CCSER1: variants seen among roughly 807,000 people sequenced by gnomAD.
CCSER1 encodes the protein serine-rich coiled-coil domain-containing protein 1.
Under a neutral mutation model 82.0 loss-of-function variants are expected in CCSER1, and 41 were observed. The ratio of observed to expected loss-of-function variants is 0.50; its 90% CI spans 0.39 to 0.65. CCSER1 has a LOEUF of 0.65. Among genes scored for constraint, CCSER1 ranks in the 30% least tolerant of loss-of-function variants. The probability of loss-of-function intolerance (pLI) is 0.00; values close to 1 mark genes in which losing one functional copy is unlikely to be tolerated. For synonymous variants in CCSER1, 414 were observed against 383.9 expected, an observed-to-expected ratio of 1.08 and a Z score of -0.92; for missense variants, 1,119 against 1,064.2, an observed-to-expected ratio of 1.05 and a Z score of -0.72.
chr4:90,889,140 T>C (rs1722593176), intron 8 of CCSER1, among the ~76,000 whole-genome samples: 1 of 152,164 alleles, frequency 6.6e-6, no homozygotes, highest in Admixed American at 6.5e-5. Context: ...AAAGAATCAG[T>C]ATATTGTTAT....
chr4:90,260,468 T>C (rs1490203396), intron 1 of CCSER1, among the ~76,000 whole-genome samples: 1 of 152,208 alleles, frequency 6.6e-6, no homozygotes, highest in Admixed American at 6.5e-5. Flanking sequence ...AGGATTGTAA[T>C]GTCTTCTTGT....
At chr4:90,164,371 TATG>T (rs1390332695) in intron 1 of CCSER1, among the ~76,000 whole-genome samples, 2 of 152,012 alleles carry the variant, frequency 1.3e-5, no homozygotes, top group Non-Finnish European at 2.9e-5. Flanking sequence ...TTATTTAAGA[TATG>T]AAGATAATCG....
chr4:91,439,374 C>G (rs1331245179), intron 10 of CCSER1, among the ~76,000 whole-genome samples: 1 of 151,904 alleles, frequency 6.6e-6, no homozygotes, highest in Non-Finnish European at 1.5e-5. Flanking sequence ...TCATATCCAA[C>G]CAAACTAAGC....
At chr4:90,447,788 A>G (rs1438984147) in intron 4 of CCSER1, among the ~76,000 whole-genome samples, 2 of 152,206 alleles carry the variant, frequency 1.3e-5, no homozygotes, top group African/African-American at 4.8e-5. Flanking sequence ...ACACACATGA[A>G]AATTAGATAT....
intron 3 of CCSER1, among the ~76,000 whole-genome samples, chr4:90,325,005 G>A (rs1020006851): frequency 2.6e-5 from 4 of 152,064 alleles, no homozygotes; most frequent in African/African-American, 9.7e-5. Flanking sequence ...ATTTCTGAGG[G>A]CTCTGTTCTA....
At chr4:90,212,755 T>G (rs1740269309) in intron 1 of CCSER1, among the ~76,000 whole-genome samples, 1 of 152,144 alleles carries the variant, frequency 6.6e-6, no homozygotes, top group South Asian at 2.1e-4. Context: ...AGTGCAATGG[T>G]AGTTGCATTT....
rs541385864 is a variant in CCSER1, at chr4:91,473,712, C to G, written c.2218-124860C>G. 5.3e-5 allele frequency among the ~76,000 whole-genome samples: 8 copies of G among 152,218 alleles called. No homozygotes were observed. The East Asian group carries it at 1.4e-3, about 26-fold the overall frequency. ...AAGAGCCTAGCCCACACCTGGCATA[C>G]TGTCAGCACTCAGAAAATCATGGCT... On this transcript the variant is annotated intron_variant, in intron 10 of 10. Transcript: ENST00000509176.
chr4:91,072,018 CACAA>C (rs1273414241), intron 9 of CCSER1, among the ~76,000 whole-genome samples: 1 of 152,114 alleles, frequency 6.6e-6, no homozygotes, highest in Non-Finnish European at 1.5e-5. Flanking sequence ...AAAACACCAT[CACAA>C]ACAACCACTC....
intron 10 of CCSER1, among the ~76,000 whole-genome samples, chr4:91,170,880 T>C (rs914280665): frequency 6.6e-6 from 1 of 152,182 alleles, no homozygotes; most frequent in Non-Finnish European, 1.5e-5. Flanking sequence ...TTATTGTACA[T>C]GGTAAAGTTA....
intron 10 of CCSER1, among the ~76,000 whole-genome samples, chr4:91,467,429 C>A (rs1233506646): frequency 2.0e-5 from 3 of 152,108 alleles, no homozygotes; most frequent in African/African-American, 4.8e-5. Flanking sequence ...ACCATTCAGG[C>A]CATAGGCATG....
intron 10 of CCSER1, among the ~76,000 whole-genome samples, chr4:91,500,893 A>G (rs1039167793): frequency 2.6e-5 from 4 of 152,024 alleles, no homozygotes; most frequent in African/African-American, 9.7e-5. Flanking sequence ...GTACTTACCC[A>G]GTGCCTGAGA....
intron 1 of CCSER1, among the ~76,000 whole-genome samples, chr4:90,264,874 C>T (rs1414947815): frequency 3.9e-5 from 6 of 151,912 alleles, no homozygotes; most frequent in African/African-American, 7.2e-5. Flanking sequence ...TGAATTTATT[C>T]GTTTATAAAA....
intron 10 of CCSER1, among the ~76,000 whole-genome samples, chr4:91,339,901 G>A (rs1255063300): frequency 6.6e-6 from 1 of 151,978 alleles, no homozygotes; most frequent in Admixed American, 6.6e-5. Flanking sequence ...GGCAGATCAC[G>A]AGGTCAGGAG....
chr4:90,967,082 C>A lies in CCSER1; in HGVS notation c.2172+43635C>A, dbSNP rs1288348084. ...GATAAATTAAATAGAATTGAGAATC[C>A]AAAACTAAACCCTAATATTTATGAC... is the stretch of plus-strand genomic sequence containing the variant. On this transcript the variant is annotated intron_variant, in intron 9 of 10. Transcript: ENST00000509176. Among the ~76,000 whole-genome samples the A allele has an allele frequency of 3.3e-5, 5 of 151,858 alleles. 1 individual carries two copies. Among genetic ancestry groups the A allele is most frequent in the African/African-American group, 1.2e-4 (5 of 41,246 alleles).
intron 8 of CCSER1, among the ~76,000 whole-genome samples, chr4:90,872,710 A>G (rs6532251): frequency 0.46 from 69,260 of 151,234 alleles, 17,511 homozygotes; most frequent in African/African-American, 0.69. Flanking sequence ...TTACCGGTGA[A>G]CTTTGTACCT....
At chr4:90,926,474 C>T (rs888946920) in intron 9 of CCSER1, among the ~76,000 whole-genome samples, 1 of 151,812 alleles carries the variant, frequency 6.6e-6, no homozygotes, top group African/African-American at 2.4e-5. Context: ...ACACATTTTG[C>T]TTAAGATAAG....
At chr4:90,282,952 C>A (rs578221942) in intron 1 of CCSER1, among the ~76,000 whole-genome samples, 9 of 151,902 alleles carry the variant, frequency 5.9e-5, no homozygotes, top group Non-Finnish European at 1.2e-4. Flanking sequence ...AAAGTCACAT[C>A]AAAGCATTTG....
chr4:90,648,300 A>AG (rs148638179), intron 6 of CCSER1, among the ~76,000 whole-genome samples: 147 of 68,554 alleles, frequency 2.1e-3, no homozygotes, highest in East Asian at 5.3e-3. Flanking sequence ...AAAGAAAGAA[A>AG]GAAAGAAAGA....
chr4:90,859,498 G>A (rs561371032), intron 8 of CCSER1, among the ~76,000 whole-genome samples: 122 of 151,750 alleles, frequency 8.0e-4, no homozygotes, highest in Non-Finnish European at 1.1e-3. Flanking sequence ...TGTAATTACC[G>A]GGCATGTATT....
Sources: gnomAD v4.1 joint callset for allele counts (sites outside exome capture counted in the v4.1 genomes callset) on GRCh38, gnomAD v4.1.1 for gene constraint, MANE v1.5 for transcripts, NCBI Gene and HGNC (gene_info 2026-07-23, HGNC 2026-07-21) for gene names.